The following UBAP2L variants were observed in gnomAD, a reference collection of about 807,000 sequenced individuals.
UBAP2L encodes ubiquitin-associated protein 2-like.
UBAP2L carries 12 observed loss-of-function variants against 130.6 expected under a neutral mutation model. That is an observed-to-expected ratio of 0.09 (90% CI 0.06 to 0.15). UBAP2L has a LOEUF of 0.15. UBAP2L is among the 10% of genes least tolerant of loss of function. The pLI is 1.00. For missense variants in UBAP2L, 965 were observed against 1,332.5 expected (o/e 0.72, Z 4.29); for synonymous variants, 503 against 524.7 (o/e 0.96, Z 0.57).
At chr1:154,262,367 A>G (rs1235375590) in intron 24 of UBAP2L, among the ~76,000 whole-genome samples, 1 of 152,202 alleles carries the variant, frequency 6.6e-6, no homozygotes, top group East Asian at 1.9e-4. Flanking sequence ...AAAGATACTC[A>G]GCCTCTCCCT....
At chr1:154,250,315 G>A (rs565525306) in intron 12 of UBAP2L, among the ~76,000 whole-genome samples, 4 of 152,072 alleles carry the variant, frequency 2.6e-5, no homozygotes, top group African/African-American at 9.6e-5. Context: ...GCCTCCCAAA[G>A]TGATGGGATT....
At chr1:154,235,478 T>A (rs1671347816) in intron 6 of UBAP2L, among the ~76,000 whole-genome samples, 187 bp downstream of exon 6, 1 of 151,836 alleles carries the variant, frequency 6.6e-6, no homozygotes, top group Admixed American at 6.6e-5. Flanking sequence ...TCAGCCTCCC[T>A]AGTAGCTAAG....
chr1:154,249,222 T>C lies in UBAP2L; in HGVS notation c.1015-17T>C. On this transcript the variant is annotated splice_polypyrimidine_tract_variant and intron_variant, in intron 11 of 26. Coordinates refer to ENST00000428931, the MANE Select transcript of UBAP2L (RefSeq NM_014847.4). Reference sequence around the variant, plus strand: ...TTACTGGCTGTAGGTTTCTCTCATCTCTTTGTTGATCTACAGGTGAGCATG... The same window carrying C: ...TTACTGGCTGTAGGTTTCTCTCATCCCTTTGTTGATCTACAGGTGAGCATG... 1 of 1,613,478 alleles carries C rather than the reference T, an allele frequency of 6.2e-7. No homozygotes were observed. The highest frequency in any genetic ancestry group is 8.5e-7 in the Non-Finnish European group (1 of 1,179,472).
chr1:154,225,253 C>T, intron 2 of UBAP2L, 40 bp downstream of exon 2: 2 of 1,597,590 alleles, frequency 1.3e-6, no homozygotes, highest in Non-Finnish European at 1.7e-6. Flanking sequence ...GATAGCGTTG[C>T]CTGCTGATAC....
At chr1:154,225,710 G>T (rs1286755835) in intron 2 of UBAP2L, among the ~76,000 whole-genome samples, 1 of 152,144 alleles carries the variant, frequency 6.6e-6, no homozygotes, top group Non-Finnish European at 1.5e-5. Context: ...GATTATAGGT[G>T]TGAGTCACTG....
intron 8 of UBAP2L, among the ~76,000 whole-genome samples, chr1:154,238,665 G>T (rs931459682): frequency 1.3e-5 from 2 of 152,120 alleles, no homozygotes; most frequent in Non-Finnish European, 1.5e-5. Flanking sequence ...TGAATGTGAC[G>T]CCACTATCGT....
intron 14 of UBAP2L, among the ~76,000 whole-genome samples, chr1:154,253,249 A>C (rs1678418174): frequency 6.6e-6 from 1 of 151,772 alleles, no homozygotes; most frequent in African/African-American, 2.4e-5. Context: ...TAATCTGCCC[A>C]CCTTGGCTTC....
At position 154,260,911 on chromosome 1, in the gene UBAP2L, C is replaced by T. The variant is rs1242401367; in HGVS notation, c.2598C>T (p.Gly866=). Residue 866 remains glycine (G), a synonymous_variant, in exon 23 of 27, where the codon GGC becomes GGT. Coordinates refer to ENST00000428931, the MANE Select transcript of UBAP2L (RefSeq NM_014847.4). The part of the protein sequence containing the change: ...NPYSGDLTKF[G]RGDASSPAPA... ...TCACAGGTGACCTCACAAAGTTCGG[C>T]CGTGGGGATGCCTCCTCCCCAGCCC... is the stretch of plus-strand genomic sequence containing the variant. The T allele has an allele frequency of 1.9e-6, 3 of 1,614,178 alleles. No individual in the cohort carries two copies. Among genetic ancestry groups the T allele is most frequent in the South Asian group, 1.1e-5 (1 of 91,086 alleles).
Position 154,257,363 on chromosome 1 carries a change from C to G in UBAP2L, c.2371C>G (p.Leu791Val), listed in dbSNP as rs750842393. The G allele has an allele frequency of 2.5e-6, 4 of 1,613,842 alleles. No individual in the cohort carries two copies. The highest frequency in any genetic ancestry group is 3.4e-6 in the Non-Finnish European group (4 of 1,180,042). The change falls in exon 20 of 27, where the codon CTC (leucine) becomes GTC (valine). Residue 791 changes from leucine to valine, a missense_variant. Leu to Val is a conservative substitution (Grantham distance 32). This residue lies in a region of UBAP2L where 393 missense variants were observed against 408.1 expected (regional missense o/e 0.96). Transcript: ENST00000428931. ...TCTTTTAGGAAAAGCTCCTCCCAAC[C>G]TCCCTCCTGGGGTCCCGCCGTTGTT... The part of the protein sequence containing the change: ...ATTSGKAPPN[L>V]PPGVPPLLPN...
chr1:154,248,752 C>T (rs1382959813), intron 11 of UBAP2L, among the ~76,000 whole-genome samples: 1 of 152,046 alleles, frequency 6.6e-6, no homozygotes, highest in Non-Finnish European at 1.5e-5. Context: ...GGAGGCGGAG[C>T]TTGCAGTGAG....
At chr1:154,262,055 G>C (rs1032759523) in intron 24 of UBAP2L, among the ~76,000 whole-genome samples, 2 of 152,216 alleles carry the variant, frequency 1.3e-5, no homozygotes, top group South Asian at 2.1e-4. Context: ...AGTACAAAAG[G>C]GGGGTGTATT....
In UBAP2L at chr1:154,225,174, TCAAAAC is replaced by T; in HGVS notation, c.60_65del (p.Asn21_Gln22del). The T allele has an allele frequency of 6.2e-7, 1 of 1,614,112 alleles. No homozygotes were observed. The highest frequency in any genetic ancestry group is 8.5e-7 in the Non-Finnish European group (1 of 1,180,006). ...GAGCCCGGGGAAACTGGGAACAACC[TCAAAAC>T]CAAAACCAGACACAGCACAAGCAGC... On this transcript the variant is annotated inframe_deletion, in exon 2 of 27. Coordinates refer to ENST00000428931, the MANE Select transcript of UBAP2L (RefSeq NM_014847.4).
chr1:154,267,498 T>C (rs1683627529), intron 25 of UBAP2L, among the ~76,000 whole-genome samples: 1 of 149,588 alleles, frequency 6.7e-6, no homozygotes, highest in African/African-American at 2.5e-5. Flanking sequence ...AGGGACACTA[T>C]TGGTTTGCCT....
chr1:154,251,240 A>G lies in UBAP2L; in HGVS notation c.1413A>G (p.Ser471=). 6.2e-7 allele frequency: 1 copy of G among 1,614,180 alleles called. No individual in the cohort carries two copies. The highest frequency in any genetic ancestry group is 1.3e-5 in the African/African-American group (1 of 75,034). ...TSAPQMSPGS[S]DNQSSSPQPA... ...CTCCACAGATGTCGCCTGGATCTTC[A>G]GACAACCAGTCCTCTAGCCCTCAGC... Residue 471 remains serine (S), a synonymous_variant, in exon 13 of 27, where the codon TCA becomes TCG. Transcript: ENST00000428931.
chr1:154,234,569 T>C, intron 4 of UBAP2L, 22 bp from the exon 5 acceptor site: 1 of 1,612,876 alleles, frequency 6.2e-7, no homozygotes, highest in Non-Finnish European at 8.5e-7. Context: ...TGATTAGATA[T>C]GAATGCTCTA....
intron 2 of UBAP2L, 28 bp from the exon 3 acceptor site, chr1:154,227,254 G>C: frequency 6.3e-7 from 1 of 1,597,104 alleles, no homozygotes; most frequent in South Asian, 1.1e-5. Flanking sequence ...TCATGATTAT[G>C]CTTTCTTGAT....
At chr1:154,260,073 T>C in intron 22 of UBAP2L, 44 bp downstream of exon 22, 1 of 1,586,452 alleles carries the variant, frequency 6.3e-7, no homozygotes, top group East Asian at 2.2e-5. Flanking sequence ...GGAGATAGTG[T>C]TGGGATTGAT....
intron 6 of UBAP2L, 91 bp from the exon 7 acceptor site, chr1:154,236,474 AC>A: frequency 7.3e-7 from 1 of 1,373,694 alleles, no homozygotes; most frequent in Non-Finnish European, 1.0e-6. Flanking sequence ...TGCTGGGATT[AC>A]CACCGGGAGC....
intron 4 of UBAP2L, among the ~76,000 whole-genome samples, chr1:154,229,881 A>T (rs1669242796): frequency 6.6e-6 from 1 of 152,032 alleles, no homozygotes; most frequent in Admixed American, 6.6e-5. Context: ...CTTGAGTCAG[A>T]GTCTTGCTCT....
Sources: allele counts gnomAD v4.1 joint callset (sites outside exome capture counted in the v4.1 genomes callset), GRCh38; gene constraint gnomAD v4.1.1; regional missense constraint gnomAD v4.1.1; transcripts MANE v1.5; gene names NCBI Gene and HGNC (gene_info 2026-07-23, HGNC 2026-07-21).